SPI1: variants seen among roughly 807,000 people sequenced by gnomAD.
The protein encoded by SPI1 is transcription factor PU.1.
Under a neutral mutation model 30.7 loss-of-function variants are expected in SPI1, and 3 were observed. The observed-to-expected ratio is 0.10, with a 90% CI of 0.04 to 0.25. The LOEUF is 0.25. Among genes scored for constraint, SPI1 ranks in the 10% least tolerant of loss-of-function variants. The probability of loss-of-function intolerance (pLI) is 1.00; values close to 1 mark genes in which losing one functional copy is unlikely to be tolerated. For missense variants in SPI1, 261 were observed against 371.5 expected (o/e 0.70, Z 2.45); for synonymous variants, 169 against 157.1 (o/e 1.08, Z -0.56).
At chr11:47,357,434 C>T (rs760534542) in intron 4 of SPI1, among the ~76,000 whole-genome samples, 7 of 152,166 alleles carry the variant, frequency 4.6e-5, no homozygotes, top group East Asian at 1.9e-4. Flanking sequence ...TGCTTACACG[C>T]CTGTTCACAC....
Position 47,358,943 on chromosome 11 carries a change from C to T in SPI1, c.394G>A (p.Asp132Asn). ...CTCTGCCGCTCGCCCTCCTCCTCAT[C>T]TGAGCTGGGCTGGGCTGGGGACAGG... ...PSLSPAQPSS[D>N]EEEGERQSPP... Residue 132 changes from aspartate (D) to asparagine (N), a missense_variant, in exon 4 of 5, where the codon GAT becomes AAT. Around this residue, in one of 5 missense-constraint regions of SPI1, gnomAD observed 106 missense variants for 102.0 expected, o/e 1.04. Coordinates refer to ENST00000378538, the MANE Select transcript of SPI1 (RefSeq NM_003120.3). 2.6e-6 allele frequency: 4 copies of T among 1,563,544 alleles called. No homozygotes were observed. Among genetic ancestry groups the T allele is most frequent in the Non-Finnish European group, 3.5e-6 (4 of 1,154,708 alleles).
chr11:47,356,443 C>A (rs1024605773), intron 4 of SPI1, among the ~76,000 whole-genome samples: 4 of 151,500 alleles, frequency 2.6e-5, no homozygotes, highest in African/African-American at 7.3e-5. Flanking sequence ...CACATGCACA[C>A]ACACTCAGAC....
Position 47,359,017 on chromosome 11 carries a change from G to A in SPI1, c.331-11C>T, listed in dbSNP as rs1449597579. On this transcript the variant is annotated splice_polypyrimidine_tract_variant and intron_variant, in intron 3 of 4. Coordinates refer to ENST00000378538, the MANE Select transcript of SPI1 (RefSeq NM_003120.3). This position sits in a 1 kb window ranked among gnomAD's most constrained non-coding sequence, Gnocchi z 5.1. ...GGGCAGGTAGGAGACCTGGACGGTG[G>A]GGGAAGGAGATCAGAGTCAGGAAGG... 1 of 1,520,456 alleles carries A rather than the reference G, an allele frequency of 6.6e-7. No homozygotes were observed. Among genetic ancestry groups the A allele is most frequent in the African/African-American group, 1.4e-5 (1 of 71,958 alleles). The allele number at this position is 1,520,456 out of a possible 1,614,324, so 94.2% of individuals were successfully genotyped here.
intron 4 of SPI1, among the ~76,000 whole-genome samples, chr11:47,357,777 G>A (rs1429269073): frequency 6.6e-6 from 1 of 152,124 alleles, no homozygotes; most frequent in Non-Finnish European, 1.5e-5. Flanking sequence ...TGTTGGCCAG[G>A]CTGGTCTCGA....
At position 47,355,507 on chromosome 11, in the gene SPI1, T is replaced by G. The variant is rs774889867; in HGVS notation, c.533A>C (p.Asp178Ala). ...CTTCATGTCGCCGCTGCGGAGCAGG[T>G]CCAACAGGAACTGGTACAGGCGGAT... ...KKIRLYQFLL[D>A]LLRSGDMKDS... The change falls in exon 5 of 5, where the codon GAC becomes GCC. Residue 178 changes from aspartate to alanine, a missense_variant. Asp to Ala is a moderately radical substitution (Grantham distance 126). This residue lies in a region of SPI1 where 43 missense variants were observed against 123.8 expected (regional missense o/e 0.35). Transcript: ENST00000378538. The G allele has an allele frequency of 1.2e-6, 2 of 1,608,118 alleles. No individual in the cohort carries two copies. Among genetic ancestry groups the G allele is most frequent in the Non-Finnish European group, 1.7e-6 (2 of 1,177,020 alleles).
At chr11:47,368,869 A>G (rs751938508) in intron 2 of SPI1, among the ~76,000 whole-genome samples, 1 of 152,230 alleles carries the variant, frequency 6.6e-6, no homozygotes, top group Non-Finnish European at 1.5e-5. Context: ...ATTTAATATC[A>G]CAGAACTATA....
chr11:47,358,747 C>T (rs778192103), intron 4 of SPI1, 97 bp downstream of exon 4: 28 of 1,226,778 alleles, frequency 2.3e-5, no homozygotes, highest in Admixed American at 2.0e-4. Context: ...ACACGCGACT[C>T]GGTGGCGTGG....
rs1267447243 is a variant in SPI1 at position 47,375,466 on chromosome 11, G to A, written c.142+167C>T. ...GAGGCTCCATAATGGAGGCTCAGGT[G>A]TGGGGGTGCAGCGATGATGCTGCAG... On this transcript the variant is annotated intron_variant, in intron 2 of 4. Transcript: ENST00000378538. The surrounding 1 kb of genome is among the most constrained non-coding windows in gnomAD (Gnocchi z 4.2). Among the ~76,000 whole-genome samples the A allele has an allele frequency of 6.6e-6, 1 of 152,242 alleles. No homozygotes were observed. The highest frequency in any genetic ancestry group is 2.4e-5 in the African/African-American group (1 of 41,460).
chr11:47,378,312 G>A lies in SPI1; in HGVS notation c.42C>T (p.Pro14=), dbSNP rs1296968415. The change falls in exon 1 of 5, where the codon CCC becomes CCT. Residue 14 remains proline (P), a synonymous_variant. Coordinates refer to ENST00000378538, the MANE Select transcript of SPI1 (RefSeq NM_003120.3). ...ACKMEGFPLV[P]PPSEDLVPYD... is the part of the protein sequence containing the mutation. ...GTGGAGGAGTCCCGGTACTCACAGG[G>A]GGGACGAGGGGAAACCCTTCCATTT... The A allele has an allele frequency of 4.3e-6, 7 of 1,613,682 alleles. No homozygotes were observed. Among genetic ancestry groups the A allele is most frequent in the African/African-American group, 1.3e-5 (1 of 74,934 alleles).
chr11:47,357,214 C>CA (rs2095912227), intron 4 of SPI1, among the ~76,000 whole-genome samples: 1 of 151,240 alleles, frequency 6.6e-6, no homozygotes, highest in Admixed American at 6.6e-5. Flanking sequence ...TATCTGCACA[C>CA]ACACATGCTC....
In SPI1 at chr11:47,358,887, C is replaced by G; in HGVS notation, c.450G>C (p.Ala150=). The G allele has an allele frequency of 1.3e-6, 2 of 1,556,844 alleles. No homozygotes were observed. The highest frequency in any genetic ancestry group is 1.7e-6 in the Non-Finnish European group (2 of 1,149,840). ...SPPLEVSDGE[A]DGLEPGPGLL... ...GCCCAGGCCCGGGCTCCAGGCCATC[C>G]GCCTCGCCGTCAGACACCTCCAGTG... The change falls in exon 4 of 5, where the codon GCG becomes GCC. Residue 150 remains alanine (A), a synonymous_variant. Transcript: ENST00000378538.
intron 1 of SPI1, among the ~76,000 whole-genome samples, chr11:47,377,880 C>T (rs2095944375): frequency 6.6e-6 from 1 of 152,198 alleles, no homozygotes; most frequent in African/African-American, 2.4e-5. Context: ...AGCCCCAAGG[C>T]CATGGGCCAA....
Position 47,359,134 on chromosome 11 carries a change from G to A in SPI1, c.331-128C>T. On this transcript the variant is annotated intron_variant, in intron 3 of 4. Transcript: ENST00000378538. This position sits in a 1 kb window ranked among gnomAD's most constrained non-coding sequence, Gnocchi z 5.1. Reference sequence around the variant, plus strand: ...GGGACAATGGCAGGCACAGGAGACTGGAGGAAGAAGACCAGGGAAAAGGGG... The same window carrying A: ...GGGACAATGGCAGGCACAGGAGACTAGAGGAAGAAGACCAGGGAAAAGGGG... 1 of 645,494 alleles carries A rather than the reference G, an allele frequency of 1.5e-6. No homozygotes were observed. The highest frequency in any genetic ancestry group is 3.1e-5 in the East Asian group (1 of 32,620). 40.0% of individuals were successfully genotyped at this position (645,494 alleles called of 1,614,324 possible).
intron 2 of SPI1, 57 bp from the exon 3 acceptor site, chr11:47,360,097 A>T: frequency 7.2e-7 from 1 of 1,384,646 alleles, no homozygotes; most frequent in Non-Finnish European, 9.6e-7. Flanking sequence ...GGGCAGGAAA[A>T]GGTTATAGTA....
intron 4 of SPI1, among the ~76,000 whole-genome samples, chr11:47,356,507 T>C (rs11039196): frequency 1 from 150,990 of 151,718 alleles, 75,135 homozygotes; most frequent in Middle Eastern, 1. Context: ...CACACTCATA[T>C]GCCCACTCAC....
At chr11:47,358,608 A>C (rs1459464832) in intron 4 of SPI1, 11 of 704,540 alleles carry the variant, frequency 1.6e-5, no homozygotes, top group Non-Finnish European at 1.6e-5. Context: ...CTCATGGCAC[A>C]GAGAGACACA....
chr11:47,369,623 G>A (rs2868447), intron 2 of SPI1, among the ~76,000 whole-genome samples: 150,799 of 151,458 alleles, frequency 1, 75,075 homozygotes, highest in Middle Eastern at 1. Context: ...GAAATTTAAA[G>A]GAACATGGAG....
At position 47,355,503 on chromosome 11, in the gene SPI1, C is replaced by T. The variant is rs1182299913; in HGVS notation, c.537G>A (p.Leu179=). The stretch of plus-strand genomic sequence containing the variant: ...TGTCCTTCATGTCGCCGCTGCGGAG[C>T]AGGTCCAACAGGAACTGGTACAGGC... The part of the protein sequence containing the change: ...KIRLYQFLLD[L]LRSGDMKDSI... Residue 179 remains leucine, a synonymous_variant, in exon 5 of 5, where the codon CTG becomes CTA. Coordinates refer to ENST00000378538, the MANE Select transcript of SPI1 (RefSeq NM_003120.3). 30 of 1,608,780 alleles carry T rather than the reference C, an allele frequency of 1.9e-5. No individual in the cohort carries two copies. Among genetic ancestry groups the T allele is most frequent in the African/African-American group, 2.7e-5 (2 of 74,414 alleles).
At position 47,378,519 on chromosome 11, in the gene SPI1, T is replaced by C. The variant is rs1200577756; in HGVS notation, c.-166A>G. 7.7e-6 allele frequency: 5 copies of C among 648,844 alleles called. No homozygotes were observed. Among genetic ancestry groups the C allele is most frequent in the Admixed American group, 2.8e-5 (1 of 35,542 alleles). The allele number at this position is 648,844 out of a possible 1,614,324, so 40.2% of individuals were successfully genotyped here. On this transcript the variant is annotated 5_prime_UTR_variant, in exon 1 of 5. It removes an upstream start codon present in the reference 5' UTR. Coordinates refer to ENST00000378538, the MANE Select transcript of SPI1 (RefSeq NM_003120.3). Reference sequence around the variant, plus strand: ...CCTGGGTGAGCCCCCTCCCTTGACATTGCAGGGCCAGCACAAGTTCCTGAT... The same window carrying C: ...CCTGGGTGAGCCCCCTCCCTTGACACTGCAGGGCCAGCACAAGTTCCTGAT...
Sources: allele counts gnomAD v4.1 joint callset (sites outside exome capture counted in the v4.1 genomes callset), GRCh38; gene constraint gnomAD v4.1.1; regional missense constraint gnomAD v4.1.1; non-coding constraint Gnocchi (gnomAD v3.1); transcripts MANE v1.5; gene names NCBI Gene and HGNC (gene_info 2026-07-23, HGNC 2026-07-21).